The following TMEM132C variants were observed in gnomAD, a reference collection of about 807,000 sequenced individuals.
The protein encoded by TMEM132C is protein phosphatase 1, regulatory subunit 152.
Under a neutral mutation model 61.4 loss-of-function variants are expected in TMEM132C, and 29 were observed. That is an observed-to-expected ratio of 0.47 (90% CI 0.35 to 0.64). The LOEUF (loss-of-function observed/expected upper bound fraction) is 0.64. TMEM132C is among the 30% of genes least tolerant of loss of function. The pLI, the probability that TMEM132C is intolerant of heterozygous loss-of-function variation, is 0.00. For missense variants in TMEM132C, 1,408 were observed against 1,476.9 expected (o/e 0.95, Z 0.76); for synonymous variants, 656 against 633.1 (o/e 1.04, Z -0.54).
intron 3 of TMEM132C, among the ~76,000 whole-genome samples, chr12:128,592,012 A>G (rs1875768659): frequency 6.8e-6 from 1 of 147,436 alleles, no homozygotes; most frequent in Non-Finnish European, 1.5e-5. Context: ...AGATTGTGTC[A>G]CTGCACTCCA....
intron 1 of TMEM132C, among the ~76,000 whole-genome samples, chr12:128,294,986 A>AATAGATAGATAGATAGATAG (rs1555251003): frequency 5.3e-5 from 8 of 150,190 alleles, no homozygotes; most frequent in African/African-American, 2.0e-4. Flanking sequence ...ATAAATAAAT[A>AATAGATAGATAGATAGATAG]ATAGATAGAT....
intron 3 of TMEM132C, 124 bp downstream of exon 3, chr12:128,544,227 C>T (rs566184928): frequency 3.7e-5 from 50 of 1,341,036 alleles, no homozygotes; most frequent in African/African-American, 3.1e-4. Flanking sequence ...GAACCCACCA[C>T]GTGGAAATCT....
chr12:128,643,620 A>G (rs1030974607), intron 4 of TMEM132C, among the ~76,000 whole-genome samples: 1 of 152,186 alleles, frequency 6.6e-6, no homozygotes, highest in African/African-American at 2.4e-5. Flanking sequence ...TTAAAAATCC[A>G]TTTTTACAGG....
At chr12:128,648,247 G>T (rs185751318) in intron 4 of TMEM132C, among the ~76,000 whole-genome samples, 415 of 151,832 alleles carry the variant, frequency 2.7e-3, no homozygotes, top group Middle Eastern at 0.01. Context: ...TGTTGGATGT[G>T]GGTGTGTTTA....
chr12:128,356,961 C>A (rs1873525552), intron 1 of TMEM132C, among the ~76,000 whole-genome samples: 1 of 152,138 alleles, frequency 6.6e-6, no homozygotes, highest in Non-Finnish European at 1.5e-5. Context: ...TATTTAAGGT[C>A]ATGTGTAGTT....
At chr12:128,524,825 C>T (rs1394298271) in intron 2 of TMEM132C, among the ~76,000 whole-genome samples, 1 of 152,176 alleles carries the variant, frequency 6.6e-6, no homozygotes, top group Non-Finnish European at 1.5e-5. Context: ...AAATGCCAGC[C>T]GTCCACTCAG....
rs1870895908 is a variant in TMEM132C at position 128,470,072 on chromosome 12, C to G, written c.974+54452C>G. On this transcript the variant is annotated intron_variant, in intron 2 of 8. Coordinates refer to ENST00000435159, the MANE Select transcript of TMEM132C (RefSeq NM_001136103.3). Reference sequence around the variant, plus strand: ...CACCCACTAATCTGCTTCCAAATACCTTATGACCTCTATTTGAACACCACT... The same window carrying G: ...CACCCACTAATCTGCTTCCAAATACGTTATGACCTCTATTTGAACACCACT... Among the ~76,000 whole-genome samples, 4 of 152,308 alleles carry G rather than the reference C, an allele frequency of 2.6e-5. No individual in the cohort carries two copies. The South Asian group carries it at 8.3e-4, about 32-fold the overall frequency.
At chr12:128,640,616 C>T (rs1954150400) in intron 4 of TMEM132C, among the ~76,000 whole-genome samples, 1 of 152,148 alleles carries the variant, frequency 6.6e-6, no homozygotes, top group Non-Finnish European at 1.5e-5. Flanking sequence ...AATGAGTGAG[C>T]CAGGCTCAGT....
intron 2 of TMEM132C, among the ~76,000 whole-genome samples, chr12:128,447,714 T>C (rs1593056804): frequency 1.3e-5 from 1 of 79,606 alleles, no homozygotes; most frequent in Non-Finnish European, 2.3e-5. Flanking sequence ...GCTTTTTTTT[T>C]TTTTTTTTTT....
At position 128,415,641 on chromosome 12, in the gene TMEM132C, CT is replaced by C; in HGVS notation, c.974+22del. 5 of 1,496,550 alleles carry C rather than the reference CT, an allele frequency of 3.3e-6. No homozygotes were observed. The highest frequency in any genetic ancestry group is 3.6e-6 in the Non-Finnish European group (4 of 1,116,654). The allele number at this position is 1,496,550 out of a possible 1,614,324, so 92.7% of individuals were successfully genotyped here. On this transcript the variant is annotated intron_variant, in intron 2 of 8. Transcript: ENST00000435159. This position sits in a 1 kb window ranked among gnomAD's most constrained non-coding sequence, Gnocchi z 5.8. ...TTGAGGTAGGTGCCCATGCTTGCCC[CT>C]GATCATCTTTGGCATGCCTGGTGTG...
Position 128,634,916 on chromosome 12 carries a change from G to A in TMEM132C, c.1305+18581G>A, listed in dbSNP as rs143038503. On this transcript the variant is annotated intron_variant, in intron 4 of 8. Transcript: ENST00000435159. ...TTCCTTCTGAAGGGGCCTGGAAAAG[G>A]CTGGATTTATTAGGAAATGAGTATA... Among the ~76,000 whole-genome samples, 589 of 152,330 alleles carry A rather than the reference G, an allele frequency of 3.9e-3. 5 individuals are homozygous for A. The highest frequency in any genetic ancestry group is 0.013 in the African/African-American group (560 of 41,582).
At chr12:128,304,299 T>A (rs1871688841) in intron 1 of TMEM132C, among the ~76,000 whole-genome samples, 1 of 152,104 alleles carries the variant, frequency 6.6e-6, no homozygotes, top group Non-Finnish European at 1.5e-5. Context: ...TGTGTGTGCG[T>A]GTAAGTGCAT....
At chr12:128,604,604 G>T (rs142262251) in intron 3 of TMEM132C, among the ~76,000 whole-genome samples, 1 of 151,820 alleles carries the variant, frequency 6.6e-6, no homozygotes, top group Non-Finnish European at 1.5e-5. Context: ...GGGATAGATG[G>T]CTAGATAGAT....
chr12:128,569,615 C>T (rs76071459), intron 3 of TMEM132C, among the ~76,000 whole-genome samples: 4,576 of 152,220 alleles, frequency 0.03, 235 homozygotes, highest in African/African-American at 0.1. Context: ...TTTTTATTAA[C>T]CAGGTGACAT....
intron 2 of TMEM132C, among the ~76,000 whole-genome samples, chr12:128,424,314 A>G (rs1869104828): frequency 6.6e-6 from 1 of 152,070 alleles, no homozygotes; most frequent in South Asian, 2.1e-4. Flanking sequence ...ATAATATACC[A>G]CTGTATGCGT....
intron 2 of TMEM132C, among the ~76,000 whole-genome samples, chr12:128,502,673 G>A (rs532798183): frequency 2.6e-4 from 39 of 152,286 alleles, no homozygotes; most frequent in African/African-American, 8.2e-4. Context: ...TGAAGACATC[G>A]GCAATTGGCA....
At chr12:128,677,381 G>C (rs903424682) in intron 5 of TMEM132C, among the ~76,000 whole-genome samples, 1 of 152,172 alleles carries the variant, frequency 6.6e-6, no homozygotes, top group Non-Finnish European at 1.5e-5. Flanking sequence ...CAGCATGCTA[G>C]TGATAGAGAG....
chr12:128,698,660 A>G (rs1457762249), intron 8 of TMEM132C, among the ~76,000 whole-genome samples: 1 of 152,196 alleles, frequency 6.6e-6, no homozygotes, highest in Non-Finnish European at 1.5e-5. Context: ...TATGATCACT[A>G]TTTTAGTGAA....
chr12:128,630,988 C>T lies in TMEM132C; in HGVS notation c.1305+14653C>T, dbSNP rs1432536414. Among the ~76,000 whole-genome samples, 5 of 152,154 alleles carry T rather than the reference C, an allele frequency of 3.3e-5. No individual in the cohort carries two copies. Among genetic ancestry groups the T allele is most frequent in the Non-Finnish European group, 5.9e-5 (4 of 68,034 alleles). The stretch of plus-strand genomic sequence containing the variant: ...CGGAGGCTGCAATGAGCCGAGATCA[C>T]GCCACTGCATTCCAGCCTGGGCAAC... On this transcript the variant is annotated intron_variant, in intron 4 of 8. Transcript: ENST00000435159. This position sits in a 1 kb window ranked among gnomAD's most constrained non-coding sequence, Gnocchi z 4.3.
Sources: gnomAD v4.1 joint callset for allele counts (sites outside exome capture counted in the v4.1 genomes callset) on GRCh38, gnomAD v4.1.1 for gene constraint, Gnocchi (gnomAD v3.1) non-coding constraint, MANE v1.5 for transcripts, NCBI Gene and HGNC (gene_info 2026-07-23, HGNC 2026-07-21) for gene names.